SLC4A10: variants seen among roughly 807,000 people sequenced by gnomAD.
SLC4A10 encodes sodium-driven chloride bicarbonate exchanger.
In SLC4A10, 42 loss-of-function variants were observed where a neutral mutation model predicts 137.7. The ratio of observed to expected loss-of-function variants is 0.30; its 90% CI spans 0.24 to 0.39. The LOEUF (loss-of-function observed/expected upper bound fraction) is 0.39. SLC4A10 is among the 10% of genes least tolerant of loss of function. The pLI, the probability that SLC4A10 is intolerant of heterozygous loss-of-function variation, is 1.00. For synonymous variants in SLC4A10, 474 were observed against 464.1 expected (o/e 1.02, Z -0.27); for missense variants, 925 against 1,355.0 (o/e 0.68, Z 4.98).
In SLC4A10 at chr2:161,842,846, C is replaced by G. The variant is rs79304506; in HGVS notation, c.416+2919C>G. The stretch of plus-strand genomic sequence containing the variant: ...CCACAGATTAGTGATATAACTTGCT[C>G]TTTTATGATTTTGATAAGTTAAAGT... On this transcript the variant is annotated intron_variant, in intron 4 of 26. Coordinates refer to ENST00000446997, the MANE Select transcript of SLC4A10 (RefSeq NM_001178015.2). 6.7e-3 allele frequency among the ~76,000 whole-genome samples: 1,026 copies of G among 152,100 alleles called. 18 individuals carry two copies. Among genetic ancestry groups the G allele is most frequent in the African/African-American group, 0.024 (999 of 41,516 alleles).
chr2:161,806,450 T>C (rs2055970369), intron 3 of SLC4A10, among the ~76,000 whole-genome samples: 1 of 152,154 alleles, frequency 6.6e-6, no homozygotes, highest in African/African-American at 2.4e-5. Context: ...TGAACTTTTA[T>C]CCTTTGCTTC....
chr2:161,828,767 CATATATATAT>C (rs58808663), intron 3 of SLC4A10, among the ~76,000 whole-genome samples: 2,893 of 42,076 alleles, frequency 0.069, 155 homozygotes, highest in East Asian at 0.16. Context: ...AATTCTAATT[CATATATATAT>C]ATATATATAT....
At chr2:161,728,226 C>T (rs2046428952) in intron 1 of SLC4A10, among the ~76,000 whole-genome samples, 1 of 152,096 alleles carries the variant, frequency 6.6e-6, no homozygotes, top group Non-Finnish European at 1.5e-5. Flanking sequence ...TTGAATAGTC[C>T]TATAACTATT....
chr2:161,742,711 A>G (rs893937816), intron 1 of SLC4A10, among the ~76,000 whole-genome samples: 13 of 152,024 alleles, frequency 8.6e-5, no homozygotes, highest in Non-Finnish European at 1.9e-4. Context: ...AAGTGCTGGG[A>G]TTACAGGCAT....
intron 15 of SLC4A10, among the ~76,000 whole-genome samples, chr2:161,914,841 G>A (rs539688824): frequency 1.7e-4 from 26 of 152,038 alleles, no homozygotes; most frequent in Non-Finnish European, 3.2e-4. Flanking sequence ...AAATGATTAA[G>A]ATTAAATGAA....
At chr2:161,825,969 C>A (rs2057994765) in intron 3 of SLC4A10, among the ~76,000 whole-genome samples, 1 of 152,164 alleles carries the variant, frequency 6.6e-6, no homozygotes, top group Non-Finnish European at 1.5e-5. Context: ...AAATAAATAT[C>A]TGTTCTTGGT....
At chr2:161,752,047 CT>C (rs2049038883) in intron 1 of SLC4A10, among the ~76,000 whole-genome samples, 1 of 151,748 alleles carries the variant, frequency 6.6e-6, no homozygotes, top group Non-Finnish European at 1.5e-5. Context: ...AAGTGGAAAC[CT>C]TTTTTGCTGC....
intron 2 of SLC4A10, among the ~76,000 whole-genome samples, chr2:161,786,909 T>A (rs1275924707): frequency 6.6e-6 from 1 of 151,808 alleles, no homozygotes; most frequent in Non-Finnish European, 1.5e-5. Context: ...AATCATAGTA[T>A]TGTTAGCTAG....
At chr2:161,912,270 A>G (rs764546787) in intron 15 of SLC4A10, among the ~76,000 whole-genome samples, 9 of 152,274 alleles carry the variant, frequency 5.9e-5, no homozygotes, top group South Asian at 2.1e-4. Flanking sequence ...GCAGCTATTT[A>G]CATAAGAACT....
chr2:161,738,332 C>A (rs1429193078), intron 1 of SLC4A10, among the ~76,000 whole-genome samples: 1 of 152,116 alleles, frequency 6.6e-6, no homozygotes, highest in Admixed American at 6.5e-5. Context: ...TAGCAAAGAA[C>A]AATTAACAAA....
intron 5 of SLC4A10, among the ~76,000 whole-genome samples, chr2:161,862,040 A>T (rs1379460638): frequency 6.6e-6 from 1 of 152,218 alleles, no homozygotes; most frequent in East Asian, 1.9e-4. Flanking sequence ...CAGAAAGCAG[A>T]TTAATTACAC....
intron 1 of SLC4A10, among the ~76,000 whole-genome samples, chr2:161,692,247 A>C (rs2042075064): frequency 6.6e-6 from 1 of 152,094 alleles, no homozygotes; most frequent in Non-Finnish European, 1.5e-5. Context: ...TTAAGAGATT[A>C]AAAATTTTTA....
intron 1 of SLC4A10, among the ~76,000 whole-genome samples, chr2:161,696,836 G>A (rs1414261193): frequency 1.3e-5 from 2 of 152,106 alleles, no homozygotes; most frequent in East Asian, 1.9e-4. Flanking sequence ...TCCCATTGCT[G>A]GATCAAATGG....
chr2:161,726,227 G>A (rs2125149819), intron 1 of SLC4A10, among the ~76,000 whole-genome samples: 1 of 152,236 alleles, frequency 6.6e-6, no homozygotes, highest in South Asian at 2.1e-4. Context: ...AATAGTAAGA[G>A]TAACTATCAA....
chr2:161,891,856 T>A (rs988230731), intron 10 of SLC4A10, among the ~76,000 whole-genome samples: 2 of 152,046 alleles, frequency 1.3e-5, no homozygotes, highest in African/African-American at 4.8e-5. Context: ...GGAGTTGTGA[T>A]CCTTTGGAGG....
intron 1 of SLC4A10, among the ~76,000 whole-genome samples, chr2:161,676,309 A>G (rs1348902318): frequency 6.6e-6 from 1 of 152,182 alleles, no homozygotes; most frequent in Non-Finnish European, 1.5e-5. Flanking sequence ...TCCCTTCTGA[A>G]AAGACTGTGG....
At chr2:161,732,210 C>G (rs57887363) in intron 1 of SLC4A10, among the ~76,000 whole-genome samples, 5 of 152,052 alleles carry the variant, frequency 3.3e-5, no homozygotes, top group African/African-American at 1.2e-4. Flanking sequence ...TCAACTTAAC[C>G]TTTGGCATCT....
At chr2:161,807,162 C>T (rs1187559376) in intron 3 of SLC4A10, among the ~76,000 whole-genome samples, 3 of 152,104 alleles carry the variant, frequency 2.0e-5, no homozygotes, top group Non-Finnish European at 4.4e-5. Flanking sequence ...AAGACCTGCC[C>T]CCCATGATTC....
chr2:161,916,267 CAA>C (rs1401437166), intron 15 of SLC4A10, among the ~76,000 whole-genome samples: 1 of 152,204 alleles, frequency 6.6e-6, no homozygotes, highest in African/African-American at 2.4e-5. Context: ...CAGTAAATGA[CAA>C]TCCCATCCTT....
Sources: allele counts gnomAD v4.1 joint callset (sites outside exome capture counted in the v4.1 genomes callset), GRCh38; gene constraint gnomAD v4.1.1; transcripts MANE v1.5; gene names NCBI Gene and HGNC (gene_info 2026-07-23, HGNC 2026-07-21).